Variants in NDUFA5 observed in about 807,000 individuals in gnomAD.
NDUFA5 encodes NADH dehydrogenase [ubiquinone] 1 alpha subcomplex subunit 5.
Under a neutral mutation model 19.8 loss-of-function variants are expected in NDUFA5, and 11 were observed. The ratio of observed to expected loss-of-function variants is 0.56; its 90% confidence interval spans 0.35 to 0.92. NDUFA5 has a LOEUF of 0.92. Ranked by LOEUF, NDUFA5 falls within the 40% of genes least tolerant of loss-of-function variation. The pLI is 0.01. For synonymous variants in NDUFA5, 47 were observed against 46.8 expected, an observed-to-expected ratio of 1.00 and a Z score of -0.01; for missense variants, 109 against 134.2, an observed-to-expected ratio of 0.81 and a Z score of 0.93.
chr7:123,571,907 C>T, the NDUFA5 span, among the ~76,000 whole-genome samples: 2 of 152,046 alleles, frequency 1.3e-5, no homozygotes, highest in Middle Eastern at 3.4e-3. Context: ...TGAGACCACA[C>T]CACAGGCATG....
At chr7:123,570,349 A>G in the NDUFA5 span, among the ~76,000 whole-genome samples, 2 of 152,088 alleles carry the variant, frequency 1.3e-5, no homozygotes, top group Non-Finnish European at 2.9e-5. Flanking sequence ...CATAGCTCTT[A>G]TAAGTGGTGA....
chr7:123,592,457 T>C, the NDUFA5 span, among the ~76,000 whole-genome samples: 1 of 152,236 alleles, frequency 6.6e-6, no homozygotes, highest in African/African-American at 2.4e-5. Context: ...CTGCTTTAAA[T>C]GTATCCCAGA....
At chr7:123,562,322 AAG>A (rs1798700003), upstream of NDUFA5, among the ~76,000 whole-genome samples, 1 of 152,112 alleles carries the variant, frequency 6.6e-6, no homozygotes. Context: ...ACAGCTGCAT[AAG>A]CCTGTAACAA....
At chr7:123,560,173 A>G (rs1798671139), upstream of NDUFA5, among the ~76,000 whole-genome samples, 1 of 152,188 alleles carries the variant, frequency 6.6e-6, no homozygotes, top group Admixed American at 6.5e-5. Context: ...TGGGAAAAGA[A>G]GAGAAATTTT....
the NDUFA5 span, among the ~76,000 whole-genome samples, chr7:123,568,087 C>A: frequency 6.6e-6 from 1 of 152,074 alleles, no homozygotes; most frequent in African/African-American, 2.4e-5. Flanking sequence ...GCGCCATTAC[C>A]CAGTTTTATC....
At chr7:123,564,623 T>C in the NDUFA5 span, among the ~76,000 whole-genome samples, 2 of 152,096 alleles carry the variant, frequency 1.3e-5, no homozygotes, top group African/African-American at 4.8e-5. Context: ...TGTGTGTGTG[T>C]GTATATACAC....
Position 123,541,259 on chromosome 7 carries a change from C to A in NDUFA5, c.*860G>T, listed in dbSNP as rs1425284686. On this transcript the variant is annotated 3_prime_UTR_variant, in exon 5 of 5. Transcript: ENST00000355749. ...ATTTCAGGAACTCTTAATGTCTCTT[C>A]TTTTACAGAAACTCTACCTCTATCC... The A allele has an allele frequency of 6.6e-6, 1 of 152,134 alleles. No individual in the cohort carries two copies. Among genetic ancestry groups the A allele is most frequent in the African/African-American group, 2.4e-5 (1 of 41,438 alleles). The allele number at this position is 152,134 out of a possible 1,614,324, so 9.4% of individuals were successfully genotyped here. A position where few individuals can be genotyped will look rare whatever the true frequency, so the allele number is the denominator to read the frequency against.
chr7:123,570,029 CTTTTTTTT>C, the NDUFA5 span, among the ~76,000 whole-genome samples: 1,224 of 88,302 alleles, frequency 0.014, 19 homozygotes, highest in African/African-American at 0.052. Context: ...ACTGCCATAG[CTTTTTTTT>C]TTTTTTTTTT....
chr7:123,564,920 CATATATAT>C, the NDUFA5 span, among the ~76,000 whole-genome samples: 2 of 147,734 alleles, frequency 1.4e-5, no homozygotes, highest in African/African-American at 2.5e-5. Context: ...CACACACACA[CATATATAT>C]ACACATACAC....
chr7:123,545,234 A>G (rs1798087124), intron 4 of NDUFA5, among the ~76,000 whole-genome samples: 1 of 152,264 alleles, frequency 6.6e-6, no homozygotes, highest in Non-Finnish European at 1.5e-5. Flanking sequence ...GTACATTTTA[A>G]TTTTATAATT....
At chr7:123,600,336 T>G in the NDUFA5 span, among the ~76,000 whole-genome samples, 1 of 152,336 alleles carries the variant, frequency 6.6e-6, no homozygotes, top group African/African-American at 2.4e-5. Context: ...TATAGGTAGA[T>G]CTATAACAAC....
the NDUFA5 span, among the ~76,000 whole-genome samples, chr7:123,597,398 G>A: frequency 6.6e-6 from 1 of 152,146 alleles, no homozygotes; most frequent in Non-Finnish European, 1.5e-5. Flanking sequence ...TTCATTATTA[G>A]TATTGTTGTT....
At chr7:123,577,968 G>A in the NDUFA5 span, among the ~76,000 whole-genome samples, 2,841 of 151,426 alleles carry the variant, frequency 0.019, 88 homozygotes, top group African/African-American at 0.066. Flanking sequence ...AGGTATACAC[G>A]TGCCATGGTG....
rs1797848516 is a variant in NDUFA5 at position 123,539,195 on chromosome 7, C to T, written c.*2924G>A. 6.6e-6 allele frequency: 1 copy of T among 152,238 alleles called. No homozygotes were observed. 9.4% of individuals were successfully genotyped at this position (152,238 alleles called of 1,614,324 possible). On this transcript the variant is annotated 3_prime_UTR_variant, in exon 5 of 5. Transcript: ENST00000355749. The stretch of plus-strand genomic sequence containing the variant: ...TGGCAACCTTGAGACCTGAGCCTTA[C>T]TCCAGTAGGGTGCCCCCCTATATCT...
intron 2 of NDUFA5, chr7:123,556,012 G>A (rs562853821): frequency 1.3e-5 from 2 of 152,324 alleles, no homozygotes; most frequent in South Asian, 4.1e-4. Flanking sequence ...TGGTGACTGA[G>A]GAAGAGGGTA....
chr7:123,589,847 G>A, the NDUFA5 span, among the ~76,000 whole-genome samples: 53 of 152,254 alleles, frequency 3.5e-4, no homozygotes, highest in African/African-American at 1.2e-3. Flanking sequence ...TAATGGGATC[G>A]CTAAGTCAAA....
At chr7:123,568,444 C>T in the NDUFA5 span, among the ~76,000 whole-genome samples, 736 of 151,382 alleles carry the variant, frequency 4.9e-3, 3 homozygotes, top group African/African-American at 0.017. Context: ...TGCTTGAACC[C>T]GGGAGGGTGG....
the NDUFA5 span, among the ~76,000 whole-genome samples, chr7:123,591,067 A>G: frequency 2.0e-5 from 3 of 152,144 alleles, no homozygotes; most frequent in Admixed American, 2.0e-4. Context: ...AGTAATTGTA[A>G]ATGGGAGTTC....
the NDUFA5 span, among the ~76,000 whole-genome samples, chr7:123,594,106 C>T: frequency 6.6e-6 from 1 of 152,148 alleles, no homozygotes; most frequent in Non-Finnish European, 1.5e-5. Context: ...ATGCAGTTCT[C>T]GTACTGTGGT....
Sources: allele counts gnomAD v4.1 joint callset (sites outside exome capture counted in the v4.1 genomes callset), GRCh38; gene constraint gnomAD v4.1.1; transcripts MANE v1.5; gene names NCBI Gene and HGNC (gene_info 2026-07-23, HGNC 2026-07-21).